Variants in KCNK5 observed in about 807,000 individuals in gnomAD.
KCNK5 encodes potassium two pore domain channel subfamily K member 5, also known as potassium channel subfamily K member 5.
A neutral mutation model predicts 32.9 loss-of-function variants in KCNK5; 18 were observed. That is an observed-to-expected ratio of 0.55 (90% CI 0.38 to 0.81). The LOEUF is 0.81. Among genes scored for constraint, KCNK5 ranks in the 30% least tolerant of loss-of-function variants. KCNK5 has a pLI of 0.00. For missense variants in KCNK5, 507 were observed against 651.0 expected (o/e 0.78, Z 2.41); for synonymous variants, 276 against 275.3 (o/e 1.00, Z -0.03).
rs375540617 is a variant in KCNK5, at chr6:39,191,076, C to T, written c.1314G>A (p.Ser438=). Residue 438 remains serine (S), a synonymous_variant, in exon 5 of 5, where the codon TCG becomes TCA. Coordinates refer to ENST00000359534, the MANE Select transcript of KCNK5 (RefSeq NM_003740.4). The surrounding 1 kb of genome is among the most constrained non-coding windows in gnomAD (Gnocchi z 5.8). ...GLSDEETSKS[S]LEDNLAGEES... ...CCTCCCCTGCCAAGTTGTCCTCTAG[C>T]GAGGACTTGGAGGTCTCCTCGTCTG... 1.3e-5 allele frequency: 21 copies of T among 1,613,750 alleles called. No individual in the cohort carries two copies. The highest frequency in any genetic ancestry group is 1.7e-5 in the Admixed American group (1 of 59,984).
chr6:39,227,027 G>C (rs1033092745), intron 1 of KCNK5, among the ~76,000 whole-genome samples: 3 of 152,074 alleles, frequency 2.0e-5, no homozygotes, highest in Non-Finnish European at 4.4e-5. Flanking sequence ...GAGGCATTTT[G>C]TTTGTTCAAA....
In KCNK5 at chr6:39,229,136, A is replaced by G; in HGVS notation, c.-25T>C. 3 of 1,612,350 alleles carry G rather than the reference A, an allele frequency of 1.9e-6. No homozygotes were observed. Among genetic ancestry groups the G allele is most frequent in the East Asian group, 2.2e-5 (1 of 44,860 alleles). On this transcript the variant is annotated 5_prime_UTR_variant, in exon 1 of 5. Coordinates refer to ENST00000359534, the MANE Select transcript of KCNK5 (RefSeq NM_003740.4). The stretch of plus-strand genomic sequence containing the variant: ...TGGCTCCCGAGCGGCCGCCTCCTAG[A>G]GAAAGCCTCTCCTAGCCCCAGCTGC...
Position 39,191,013 on chromosome 6 carries a change from C to T in KCNK5, c.1377G>A (p.Leu459=), listed in dbSNP as rs761918744. ...AGGAGGAGGGGAACTCGCCCATGTT[C>T]AGGGGCGCCTTGGCTTCAGCCCCCT... ...PQQGAEAKAP[L]NMGEFPSSSE... The change falls in exon 5 of 5, where the codon CTG becomes CTA. Residue 459 remains leucine (L), a synonymous_variant. Coordinates refer to ENST00000359534, the MANE Select transcript of KCNK5 (RefSeq NM_003740.4). The surrounding 1 kb of genome is among the most constrained non-coding windows in gnomAD (Gnocchi z 5.8). 1 of 1,595,656 alleles carries T rather than the reference C, an allele frequency of 6.3e-7. No homozygotes were observed.
At chr6:39,220,880 G>A (rs138592675) in intron 1 of KCNK5, among the ~76,000 whole-genome samples, 11 of 152,250 alleles carry the variant, frequency 7.2e-5, no homozygotes, top group Admixed American at 2.0e-4. Flanking sequence ...CGGACATACC[G>A]TACTATTATC....
At chr6:39,224,388 C>CA (rs1273467702) in intron 1 of KCNK5, among the ~76,000 whole-genome samples, 5 of 152,146 alleles carry the variant, frequency 3.3e-5, no homozygotes, top group South Asian at 4.1e-4. Flanking sequence ...CTCAACTTTC[C>CA]AAAAAATTCA....
chr6:39,191,436 A>AC lies in KCNK5; in HGVS notation c.953dup (p.Gly319TrpfsTer56). ...GCCCTGGGCCCGGGCCCGTCTCCCCACCCCCGCTTGTCTTCATGGCCTTCT... is the reference window on the plus strand; with the variant it reads ...GCCCTGGGCCCGGGCCCGTCTCCCCACCCCCCGCTTGTCTTCATGGCCTTCT... On this transcript the variant is annotated frameshift_variant, in exon 5 of 5. Transcript: ENST00000359534. LOFTEE classifies it low-confidence loss of function (END_TRUNC). This position sits in a 1 kb window ranked among gnomAD's most constrained non-coding sequence, Gnocchi z 5.8. 1 of 1,608,546 alleles carries AC rather than the reference A, an allele frequency of 6.2e-7. No individual in the cohort carries two copies. The highest frequency in any genetic ancestry group is 8.5e-7 in the Non-Finnish European group (1 of 1,177,094).
intron 1 of KCNK5, among the ~76,000 whole-genome samples, chr6:39,218,946 A>G (rs2113796561): frequency 6.6e-6 from 1 of 152,338 alleles, no homozygotes; most frequent in African/African-American, 2.4e-5. Context: ...TGGTTTCCAC[A>G]GAGAGGCAGG....
chr6:39,222,291 G>T (rs1771567577), intron 1 of KCNK5, among the ~76,000 whole-genome samples: 2 of 152,168 alleles, frequency 1.3e-5, no homozygotes, highest in South Asian at 4.1e-4. Flanking sequence ...TCTGGGGGCT[G>T]TAGGCAATAT....
Position 39,212,332 on chromosome 6 carries a change from A to G in KCNK5, c.187-16345T>C, listed in dbSNP as rs372525504. 6.6e-5 allele frequency among the ~76,000 whole-genome samples: 10 copies of G among 152,336 alleles called. No individual in the cohort carries two copies. In the East Asian group the frequency reaches 1.5e-3, roughly 24 times the overall value. On this transcript the variant is annotated intron_variant, in intron 1 of 4. Coordinates refer to ENST00000359534, the MANE Select transcript of KCNK5 (RefSeq NM_003740.4). Reference sequence around the variant, plus strand: ...GCAGGCGTAATGATTAGTAATATCAAGTCAAAAAGGTAAAATTGCATAGCG... The same window carrying G: ...GCAGGCGTAATGATTAGTAATATCAGGTCAAAAAGGTAAAATTGCATAGCG...
chr6:39,221,521 C>G (rs1281914667), intron 1 of KCNK5, among the ~76,000 whole-genome samples: 2 of 152,240 alleles, frequency 1.3e-5, no homozygotes, highest in African/African-American at 4.8e-5. Flanking sequence ...AGCCCAATGT[C>G]TGGCACCTGG....
At chr6:39,203,799 T>G (rs1402689451) in intron 1 of KCNK5, among the ~76,000 whole-genome samples, 1 of 152,236 alleles carries the variant, frequency 6.6e-6, no homozygotes, top group Non-Finnish European at 1.5e-5. Flanking sequence ...GAAGTGATTC[T>G]AATATGCAGG....
At chr6:39,210,001 A>G (rs77718301) in intron 1 of KCNK5, among the ~76,000 whole-genome samples, 2,434 of 152,302 alleles carry the variant, frequency 0.016, 50 homozygotes, top group African/African-American at 0.055. Context: ...ACTTGTTTAC[A>G]AACGTCCAGG....
In KCNK5 at chr6:39,228,932, G is replaced by T. The variant is rs1771718648; in HGVS notation, c.180C>A (p.Ile60=). 1 of 1,613,980 alleles carries T rather than the reference G, an allele frequency of 6.2e-7. No individual in the cohort carries two copies. The highest frequency in any genetic ancestry group is 1.3e-5 in the African/African-American group (1 of 74,930). ...PCLGQEGLDK[I]LEVVSDAAGQ... is the part of the protein sequence containing the mutation. ...GGTACAGGCGGCGACTGACCTCTAG[G>T]ATCTTGTCCAGGCCCTCCTGACCCA... The change falls in exon 1 of 5, where the codon ATC becomes ATA. Residue 60 remains isoleucine (I), a synonymous_variant. Transcript: ENST00000359534.
chr6:39,191,391 C>T lies in KCNK5; in HGVS notation c.999G>A (p.Gly333=). ...CCAGGGAAGGGGGCAGTGCTGGGAG[C>T]CCACCGCCTTGAGGCCCCAGCCCTG... ...PGPGLGPQGG[G]LPALPPSLVP... Residue 333 remains glycine (G), a synonymous_variant, in exon 5 of 5, where the codon GGG becomes GGA. Transcript: ENST00000359534. The surrounding 1 kb of genome is among the most constrained non-coding windows in gnomAD (Gnocchi z 5.8). 2 of 1,613,286 alleles carry T rather than the reference C, an allele frequency of 1.2e-6. No individual in the cohort carries two copies. Among genetic ancestry groups the T allele is most frequent in the Non-Finnish European group, 8.5e-7 (1 of 1,179,978 alleles).
chr6:39,206,585 C>T (rs950029642), intron 1 of KCNK5, among the ~76,000 whole-genome samples: 1 of 152,178 alleles, frequency 6.6e-6, no homozygotes, highest in East Asian at 1.9e-4. Context: ...TGCTGGCCTG[C>T]TTCCTGTCCT....
At position 39,194,725 on chromosome 6, in the gene KCNK5, G is replaced by A. The variant is rs373094033; in HGVS notation, c.334C>T (p.Arg112Cys). The A allele has an allele frequency of 1.1e-5, 17 of 1,613,986 alleles. No individual in the cohort carries two copies. The highest frequency in any genetic ancestry group is 1.7e-5 in the Admixed American group (1 of 60,012). ...AGACCATAGAAAACACAGAAGAGGCGACCGGCGGGGGTCTTGGGAGCCACA... is the reference window on the plus strand; with the variant it reads ...AGACCATAGAAAACACAGAAGAGGCAACCGGCGGGGGTCTTGGGAGCCACA... ...GNVAPKTPAG[R>C]LFCVFYGLFG... is the part of the protein sequence containing the mutation. Residue 112 changes from arginine (R) to cysteine (C), a missense_variant, in exon 3 of 5, where the codon CGC becomes TGC. By Grantham distance (180) the Arg-to-Cys change is radical. Transcript: ENST00000359534. This position sits in a 1 kb window ranked among gnomAD's most constrained non-coding sequence, Gnocchi z 4.7.
intron 1 of KCNK5, among the ~76,000 whole-genome samples, chr6:39,228,328 T>C (rs1320972660): frequency 6.6e-6 from 1 of 152,006 alleles, no homozygotes; most frequent in Non-Finnish European, 1.5e-5. Context: ...CCTGAGCGCG[T>C]CCCCAGCATT....
At position 39,191,560 on chromosome 6, in the gene KCNK5, A is replaced by G; in HGVS notation, c.830T>C (p.Leu277Pro). 1 of 1,613,996 alleles carries G rather than the reference A, an allele frequency of 6.2e-7. No individual in the cohort carries two copies. The highest frequency in any genetic ancestry group is 8.5e-7 in the Non-Finnish European group (1 of 1,180,014). The change falls in exon 5 of 5, where the codon CTG becomes CCG. Residue 277 changes from leucine (L) to proline (P), a missense_variant. Leu to Pro is a moderately conservative substitution (Grantham distance 98). Coordinates refer to ENST00000359534, the MANE Select transcript of KCNK5 (RefSeq NM_003740.4). This position sits in a 1 kb window ranked among gnomAD's most constrained non-coding sequence, Gnocchi z 5.8. ...GGAGGCTGTGCTCCCCTTCACCTGC[A>G]GGGCCTTCCGGGAGTGTGGGGAGCT... is the stretch of plus-strand genomic sequence containing the variant. ...FESSPHSRKA[L>P]QVKGSTASKD...
chr6:39,207,837 C>A (rs1415423868), intron 1 of KCNK5, among the ~76,000 whole-genome samples: 2 of 152,162 alleles, frequency 1.3e-5, no homozygotes, highest in African/African-American at 4.8e-5. Context: ...CCCTGGGCCC[C>A]CTTGCCGGGG....
Sources: allele counts gnomAD v4.1 joint callset (sites outside exome capture counted in the v4.1 genomes callset), GRCh38; gene constraint gnomAD v4.1.1; non-coding constraint Gnocchi (gnomAD v3.1); transcripts MANE v1.5; gene names NCBI Gene and HGNC (gene_info 2026-07-23, HGNC 2026-07-21).